The following PPIG variants were observed in gnomAD, a reference collection of about 807,000 sequenced individuals.
The protein encoded by PPIG is peptidylprolyl isomerase G.
A neutral mutation model predicts 87.9 loss-of-function variants in PPIG; 26 were observed. The ratio of observed to expected loss-of-function variants is 0.30; its 90% confidence interval spans 0.22 to 0.41. The LOEUF is 0.41. PPIG is among the 10% of genes least tolerant of loss of function. The probability of loss-of-function intolerance (pLI) is 1.00; values close to 1 mark genes in which losing one functional copy is unlikely to be tolerated. For synonymous variants in PPIG, 308 were observed against 276.5 expected, an observed-to-expected ratio of 1.11 and a Z score of -1.13; for missense variants, 722 against 879.4, an observed-to-expected ratio of 0.82 and a Z score of 2.26.
chr2:169,611,972 C>CTATTTATT (rs199977660), intron 7 of PPIG, among the ~76,000 whole-genome samples: 1 of 151,894 alleles, frequency 6.6e-6, no homozygotes, highest in African/African-American at 2.4e-5. Context: ...TTGTTTATAG[C>CTATTTATT]TATTTATTTA....
chr2:169,623,148 G>A (rs1235437305), intron 9 of PPIG, among the ~76,000 whole-genome samples: 2 of 152,160 alleles, frequency 1.3e-5, no homozygotes, highest in East Asian at 3.8e-4. Context: ...AGCAGATGCA[G>A]AGATGGAACA....
At chr2:169,597,726 T>C (rs894033423) in intron 1 of PPIG, among the ~76,000 whole-genome samples, 2 of 152,140 alleles carry the variant, frequency 1.3e-5, no homozygotes, top group African/African-American at 4.8e-5. Context: ...CTCAAACTCC[T>C]GATCTCAGGT....
In PPIG at chr2:169,637,460, T is replaced by C; in HGVS notation, c.2202T>C (p.His734=). ...AAGGTCAAGAAAATGACCATGTACATGAAAAAAATAAAAAATTTGATCATG... is the reference window on the plus strand; with the variant it reads ...AAGGTCAAGAAAATGACCATGTACACGAAAAAAATAAAAAATTTGATCATG... ...KSKGQENDHV[H]EKNKKFDHES... The change falls in exon 14 of 14, where the codon CAT becomes CAC. Residue 734 remains histidine, a synonymous_variant. Transcript: ENST00000260970. The C allele has an allele frequency of 6.2e-7, 1 of 1,604,686 alleles. No individual in the cohort carries two copies. Among genetic ancestry groups the C allele is most frequent in the Non-Finnish European group, 8.5e-7 (1 of 1,177,916 alleles).
intron 13 of PPIG, 63 bp from the exon 14 acceptor site, chr2:169,636,350 G>T: frequency 6.8e-7 from 1 of 1,461,894 alleles, no homozygotes. Flanking sequence ...TATCATTTTA[G>T]CTAATAATAT....
intron 5 of PPIG, 63 bp from the exon 6 acceptor site, chr2:169,607,041 T>C (rs2592813): frequency 2.1e-6 from 2 of 973,338 alleles, no homozygotes; most frequent in Non-Finnish European, 3.1e-6. Flanking sequence ...AAGAAGTATT[T>C]TGTTTAGGTA....
chr2:169,630,698 C>A, intron 9 of PPIG, 76 bp from the exon 10 acceptor site: 1 of 1,248,646 alleles, frequency 8.0e-7, no homozygotes, highest in Non-Finnish European at 1.2e-6. Flanking sequence ...TAGTGAGAAT[C>A]TGCAGAAAAT....
At chr2:169,594,218 A>C (rs1043143642) in intron 1 of PPIG, among the ~76,000 whole-genome samples, 2 of 151,818 alleles carry the variant, frequency 1.3e-5, no homozygotes, top group Non-Finnish European at 2.9e-5. Flanking sequence ...CATATTCTTA[A>C]ATTTCAAAGG....
intron 1 of PPIG, among the ~76,000 whole-genome samples, chr2:169,590,601 C>G (rs1390355479): frequency 6.6e-6 from 1 of 151,978 alleles, no homozygotes; most frequent in African/African-American, 2.4e-5. Context: ...AGAGGTCACG[C>G]CACTGCACTC....
intron 9 of PPIG, among the ~76,000 whole-genome samples, chr2:169,618,432 C>T (rs1327319624): frequency 6.6e-6 from 1 of 152,136 alleles, no homozygotes; most frequent in East Asian, 1.9e-4. Flanking sequence ...GGAATGGTAC[C>T]AGCTCCTCTT....
chr2:169,616,422 C>T (rs1342618108), intron 9 of PPIG, among the ~76,000 whole-genome samples: 2 of 152,192 alleles, frequency 1.3e-5, no homozygotes, highest in Non-Finnish European at 2.9e-5. Flanking sequence ...GGAATCGCCA[C>T]ACTGTCTTCT....
Position 169,614,612 on chromosome 2 carries a change from C to T in PPIG, c.435C>T (p.Ile145=). The stretch of plus-strand genomic sequence containing the variant: ...ATCATGTTGTTTTTGGACAAGTAAT[C>T]TCTGGTCAAGAAGTTGTAAGAGAGA... ...DGHHVVFGQV[I]SGQEVVREIE... The change falls in exon 9 of 14, where the codon ATC becomes ATT. Residue 145 remains isoleucine (I), a synonymous_variant. Coordinates refer to ENST00000260970, the MANE Select transcript of PPIG (RefSeq NM_004792.3). The T allele has an allele frequency of 6.2e-7, 1 of 1,609,262 alleles. No homozygotes were observed. Among genetic ancestry groups the T allele is most frequent in the Non-Finnish European group, 8.5e-7 (1 of 1,178,846 alleles).
chr2:169,607,984 C>T (rs1023002714), intron 6 of PPIG, among the ~76,000 whole-genome samples: 3 of 152,144 alleles, frequency 2.0e-5, no homozygotes, highest in Non-Finnish European at 4.4e-5. Context: ...CCTCCTGCTT[C>T]AACCTGCTGA....
At chr2:169,617,502 GT>G (rs1685635726) in intron 9 of PPIG, among the ~76,000 whole-genome samples, 1 of 152,132 alleles carries the variant, frequency 6.6e-6, no homozygotes, top group East Asian at 1.9e-4. Flanking sequence ...AGCATGGAAT[GT>G]TTTTCCATTT....
chr2:169,614,849 A>G, intron 9 of PPIG, 125 bp downstream of exon 9: 1 of 1,135,108 alleles, frequency 8.8e-7, no homozygotes, highest in Middle Eastern at 3.2e-4. Context: ...TTTAAAATGT[A>G]TTTCTGTGCT....
intron 1 of PPIG, among the ~76,000 whole-genome samples, chr2:169,588,944 A>G (rs1382764366): frequency 1.4e-5 from 2 of 142,794 alleles, no homozygotes; most frequent in South Asian, 2.4e-4. Flanking sequence ...GGGCACAAGA[A>G]CGAAACTCCC....
At chr2:169,591,782 T>TA (rs1357345152) in intron 1 of PPIG, among the ~76,000 whole-genome samples, 3 of 2,268 alleles carry the variant, frequency 1.3e-3, no homozygotes, top group African/African-American at 7.4e-3. Context: ...CATATTGTGA[T>TA]TTTTTTTTTT....
At chr2:169,633,969 C>T (rs374459714) in intron 12 of PPIG, among the ~76,000 whole-genome samples, 5 of 151,878 alleles carry the variant, frequency 3.3e-5, no homozygotes, top group African/African-American at 7.2e-5. Flanking sequence ...GCTGGGATTA[C>T]AGGCACATGC....
rs1374466758 is a variant in PPIG at position 169,584,376 on chromosome 2, C to G, written c.-184C>G. The G allele has an allele frequency of 2.1e-6, 1 of 471,074 alleles. No homozygotes were observed. The highest frequency in any genetic ancestry group is 4.4e-6 in the Non-Finnish European group (1 of 227,062). 29.2% of individuals were successfully genotyped at this position (471,074 alleles called of 1,614,324 possible). A position where few individuals can be genotyped will look rare whatever the true frequency, so the allele number is the denominator to read the frequency against. The stretch of plus-strand genomic sequence containing the variant: ...GCGACGCTGTCTCTCCATGCCAGGA[C>G]TGAGTTGTGGGGGAGGGAGGCGGTT... On this transcript the variant is annotated 5_prime_UTR_variant, in exon 1 of 14. Transcript: ENST00000260970.
chr2:169,604,080 C>T lies in PPIG; in HGVS notation c.39C>T (p.Asp13=), dbSNP rs1559178695. The T allele has an allele frequency of 6.2e-7, 1 of 1,613,692 alleles. No individual in the cohort carries two copies. The highest frequency in any genetic ancestry group is 8.5e-7 in the Non-Finnish European group (1 of 1,179,684). Residue 13 remains aspartate, a synonymous_variant, in exon 3 of 14, where the codon GAC becomes GAT. Coordinates refer to ENST00000260970, the MANE Select transcript of PPIG (RefSeq NM_004792.3). ...IKVQRPRCFF[D]IAINNQPAGR... is the part of the protein sequence containing the mutation. ...TTCAACGTCCTCGATGTTTTTTTGA[C>T]ATTGCCATTAACAATCAACCTGGTA...
Sources: gnomAD v4.1 joint callset for allele counts (sites outside exome capture counted in the v4.1 genomes callset) on GRCh38, gnomAD v4.1.1 for gene constraint, MANE v1.5 for transcripts, NCBI Gene and HGNC (gene_info 2026-07-23, HGNC 2026-07-21) for gene names.